The following DNA2 variants were observed in gnomAD, a reference collection of about 807,000 sequenced individuals.
The protein encoded by DNA2 is DNA replication helicase/nuclease 2.
A neutral mutation model predicts 119.1 loss-of-function variants in DNA2; 101 were observed. The ratio of observed to expected loss-of-function variants is 0.85; its 90% CI spans 0.72 to 1.00. The LOEUF (loss-of-function observed/expected upper bound fraction) is 1.00. DNA2 is among the 50% of genes least tolerant of loss of function. The pLI, the probability that DNA2 is intolerant of heterozygous loss-of-function variation, is 0.00. For missense variants in DNA2, 1,121 were observed against 1,255.5 expected (o/e 0.89, Z 1.62); for synonymous variants, 366 against 424.4 (o/e 0.86, Z 1.69).
At chr10:68,430,071 G>A (rs1170533635) in intron 14 of DNA2, among the ~76,000 whole-genome samples, 4 of 151,608 alleles carry the variant, frequency 2.6e-5, no homozygotes, top group African/African-American at 7.3e-5. Context: ...ATTTTTAGTA[G>A]AGACAGGTTT....
In DNA2 at chr10:68,471,937, A is replaced by G. The variant is rs1412238466; in HGVS notation, c.-73T>C. Reference sequence around the variant, plus strand: ...GGGGGTAACACAGAAAGCTTAGAAAAGGGAAAAAGGCGCGAGCCTGCGCAC... The same window carrying G: ...GGGGGTAACACAGAAAGCTTAGAAAGGGGAAAAAGGCGCGAGCCTGCGCAC... On this transcript the variant is annotated 5_prime_UTR_variant, in exon 1 of 21. Transcript: ENST00000358410. 6.2e-7 allele frequency: 1 copy of G among 1,613,474 alleles called. No homozygotes were observed. The highest frequency in any genetic ancestry group is 1.1e-5 in the South Asian group (1 of 91,070).
Position 68,444,974 on chromosome 10 carries a change from T to C in DNA2, c.1167A>G (p.Glu389=), listed in dbSNP as rs371410755. The C allele has an allele frequency of 5.0e-6, 8 of 1,613,806 alleles. No homozygotes were observed. The highest frequency in any genetic ancestry group is 6.8e-6 in the Non-Finnish European group (8 of 1,179,766). The part of the protein sequence containing the change: ...QLASLPQIIE[E]EKTCKYCSQI... ...GTGAACAATATTTACAAGTTTTCTC[T>C]TCCTCAATTATTTGTGGCAAAGAAG... Residue 389 remains glutamate, a synonymous_variant, in exon 8 of 21, where the codon GAA becomes GAG. Coordinates refer to ENST00000358410, the MANE Select transcript of DNA2 (RefSeq NM_001080449.3).
At chr10:68,444,886 A>C in intron 8 of DNA2, 35 bp downstream of exon 8, 1 of 1,574,968 alleles carries the variant, frequency 6.3e-7, no homozygotes, top group Non-Finnish European at 8.7e-7. Flanking sequence ...GTTCATACTC[A>C]ACTAGAAATA....
chr10:68,472,117 CTTCA>C, upstream of DNA2: 1 of 1,482,882 alleles, frequency 6.7e-7, no homozygotes, highest in South Asian at 1.3e-5. Flanking sequence ...TACAGGGAGT[CTTCA>C]TATCTGAAGC....
Position 68,442,965 on chromosome 10 carries a change from T to C in DNA2, c.1367A>G (p.Asp456Gly). 6.2e-7 allele frequency: 1 copy of C among 1,612,746 alleles called. No homozygotes were observed. Among genetic ancestry groups the C allele is most frequent in the South Asian group, 1.1e-5 (1 of 90,588 alleles). ...LMLTLESQSK[D>G]NKKNHQNIWL... ...GATATTTTGGTGATTCTTTTTATTA[T>C]CCTTCGATTGTGACTCCAGGGTTAA... is the stretch of plus-strand genomic sequence containing the variant. The change falls in exon 9 of 21, where the codon GAT (aspartate) becomes GGT (glycine). Residue 456 changes from aspartate (D) to glycine (G), a missense_variant. Coordinates refer to ENST00000358410, the MANE Select transcript of DNA2 (RefSeq NM_001080449.3).
chr10:68,464,090 T>C (rs1411008703), intron 4 of DNA2, among the ~76,000 whole-genome samples: 1 of 152,240 alleles, frequency 6.6e-6, no homozygotes, highest in African/African-American at 2.4e-5. Flanking sequence ...CAAAAGGCTG[T>C]TTGAAATCAG....
chr10:68,464,915 G>A (rs985966243), intron 4 of DNA2, among the ~76,000 whole-genome samples: 2 of 151,138 alleles, frequency 1.3e-5, no homozygotes, highest in South Asian at 2.1e-4. Context: ...TACTCAGGAG[G>A]CTGAGGTGGG....
At chr10:68,431,214 AAAAAAAAAG>A (rs2051816073) in intron 13 of DNA2, among the ~76,000 whole-genome samples, 1 of 149,064 alleles carries the variant, frequency 6.7e-6, no homozygotes, top group Non-Finnish European at 1.5e-5. Context: ...CCATCTCAAA[AAAAAAAAAG>A]AAAAAGAAAA....
chr10:68,427,630 C>T (rs1303273112), intron 14 of DNA2, among the ~76,000 whole-genome samples: 2 of 148,078 alleles, frequency 1.4e-5, no homozygotes, highest in Non-Finnish European at 3.0e-5. Context: ...GCCTGGGCAA[C>T]AGAGCAAGAC....
chr10:68,469,331 G>A (rs2052360252), intron 2 of DNA2, among the ~76,000 whole-genome samples: 1 of 149,098 alleles, frequency 6.7e-6, no homozygotes, highest in Admixed American at 6.8e-5. Flanking sequence ...GGATCACGAG[G>A]TCAGGGGATT....
At position 68,446,301 on chromosome 10, in the gene DNA2, T is replaced by A; in HGVS notation, c.1052A>T (p.Lys351Ile). 6.4e-7 allele frequency: 1 copy of A among 1,568,968 alleles called. No individual in the cohort carries two copies. Among genetic ancestry groups the A allele is most frequent in the Admixed American group, 1.9e-5 (1 of 52,458 alleles). ...TAAAAAAAAAACGGCTCAACCTCTT[T>A]TATCTAGATGGTTGGCAGGCACAGG... ...MYPVPANHLD[K>I]RELLKLRNQM... is the part of the protein sequence containing the mutation. The change falls in exon 7 of 21, where the codon AAA (lysine) becomes ATA (isoleucine). Residue 351 changes from lysine to isoleucine, a missense_variant. Lys to Ile is a moderately radical substitution (Grantham distance 102). Coordinates refer to ENST00000358410, the MANE Select transcript of DNA2 (RefSeq NM_001080449.3).
rs542713156 is a variant in DNA2, at chr10:68,440,557, A to T, written c.1415+2360T>A. The stretch of plus-strand genomic sequence containing the variant: ...CGTGATCCACCCTCCTTGGCCTCCC[A>T]AAGTGCTGGGATTACAGGCGTGAGC... On this transcript the variant is annotated intron_variant, in intron 9 of 20. Transcript: ENST00000358410. Among the ~76,000 whole-genome samples, 8 of 152,172 alleles carry T rather than the reference A, an allele frequency of 5.3e-5. No individual in the cohort carries two copies. In the East Asian group the frequency reaches 1.4e-3, roughly 26 times the overall value.
intron 9 of DNA2, among the ~76,000 whole-genome samples, chr10:68,437,511 G>A (rs2133387544): frequency 6.6e-6 from 1 of 151,968 alleles, no homozygotes; most frequent in Non-Finnish European, 1.5e-5. Flanking sequence ...TTAGCCAGGT[G>A]TGGTGGTGCT....
intron 14 of DNA2, chr10:68,424,749 G>A (rs2051714568): frequency 6.6e-7 from 1 of 1,522,972 alleles, no homozygotes; most frequent in African/African-American, 1.4e-5. Context: ...ACACTACAAA[G>A]GTCAGCAAAT....
intron 9 of DNA2, among the ~76,000 whole-genome samples, chr10:68,440,509 G>A (rs1294828067): frequency 1.3e-5 from 2 of 151,834 alleles, no homozygotes; most frequent in East Asian, 2.0e-4. Context: ...GTGTTAGCCA[G>A]CATGGTCTCA....
intron 9 of DNA2, among the ~76,000 whole-genome samples, chr10:68,439,795 G>A (rs2051942288): frequency 1.3e-5 from 2 of 150,622 alleles, no homozygotes; most frequent in Non-Finnish European, 2.9e-5. Context: ...CCAAGATTGT[G>A]CCATTGCACT....
chr10:68,445,032 C>T lies in DNA2; in HGVS notation c.1109G>A (p.Ser370Asn), dbSNP rs1432547683. 1.2e-6 allele frequency: 2 copies of T among 1,612,096 alleles called. No individual in the cohort carries two copies. The highest frequency in any genetic ancestry group is 1.7e-6 in the Non-Finnish European group (2 of 1,179,012). The part of the protein sequence containing the change: ...QMAFSLFHRI[S>N]KSATRQKTQL... ...TGTCTTCTGTCTAGTAGCAGATTTG[C>T]TAATACGGTGAAACAATGAGAATGC... Residue 370 changes from serine (S) to asparagine (N), a missense_variant, in exon 8 of 21, where the codon AGC becomes AAC. Physicochemically the swap from Ser to Asn is conservative, Grantham distance 46. Transcript: ENST00000358410.
chr10:68,456,707 C>T (rs868823205), intron 5 of DNA2, among the ~76,000 whole-genome samples: 11 of 151,652 alleles, frequency 7.3e-5, no homozygotes, highest in East Asian at 1.9e-4. Context: ...CCACCATGCC[C>T]GGACCCCCTT....
At chr10:68,455,217 C>A (rs1302100188) in intron 5 of DNA2, among the ~76,000 whole-genome samples, 1 of 151,990 alleles carries the variant, frequency 6.6e-6, no homozygotes, top group Non-Finnish European at 1.5e-5. Context: ...GGATTACAGG[C>A]ATTAGCCATC....
Sources: gnomAD v4.1 joint callset for allele counts (sites outside exome capture counted in the v4.1 genomes callset) on GRCh38, gnomAD v4.1.1 for gene constraint, MANE v1.5 for transcripts, NCBI Gene and HGNC (gene_info 2026-07-23, HGNC 2026-07-21) for gene names.